Variants in ADARB2 observed in about 807,000 individuals in gnomAD.
ADARB2 encodes the protein inactive double-stranded RNA-specific editase B2.
In ADARB2, 25 loss-of-function variants were observed where a neutral mutation model predicts 62.2. That is an observed-to-expected ratio of 0.40 (90% CI 0.29 to 0.56). The LOEUF (loss-of-function observed/expected upper bound fraction) is 0.56. Ranked by LOEUF, ADARB2 falls within the 20% of genes least tolerant of loss-of-function variation. The pLI, the probability that ADARB2 is intolerant of heterozygous loss-of-function variation, is 0.43. For synonymous variants in ADARB2, 572 were observed against 500.8 expected, an observed-to-expected ratio of 1.14 and a Z score of -1.90; for missense variants, 1,071 against 1,077.4, an observed-to-expected ratio of 0.99 and a Z score of 0.08.
At chr10:1,483,378 C>G (rs550251441) in intron 1 of ADARB2, among the ~76,000 whole-genome samples, 4 of 152,168 alleles carry the variant, frequency 2.6e-5, no homozygotes, top group Non-Finnish European at 5.9e-5. Flanking sequence ...ACTGTTCTAA[C>G]GGTGTAAGAA....
intron 3 of ADARB2, among the ~76,000 whole-genome samples, chr10:1,352,779 G>T (rs1045802202): frequency 3.3e-5 from 5 of 151,982 alleles, no homozygotes; most frequent in Admixed American, 3.3e-4. Flanking sequence ...ATTGTTCCTG[G>T]CCTGGACTTC....
At chr10:1,545,207 C>T (rs554674657) in intron 1 of ADARB2, among the ~76,000 whole-genome samples, 8 of 152,264 alleles carry the variant, frequency 5.3e-5, no homozygotes, top group South Asian at 2.1e-4. Context: ...TGCTTCCTAA[C>T]GAGTATTGAT....
chr10:1,302,306 C>T (rs962050054), intron 3 of ADARB2, among the ~76,000 whole-genome samples: 5 of 152,212 alleles, frequency 3.3e-5, no homozygotes, highest in African/African-American at 1.2e-4. Flanking sequence ...CACCTGAATA[C>T]TGCGCTTTTC....
intron 1 of ADARB2, among the ~76,000 whole-genome samples, chr10:1,542,980 C>G (rs572884177): frequency 6.6e-6 from 1 of 152,266 alleles, no homozygotes; most frequent in Non-Finnish European, 1.5e-5. Context: ...CACAGCTGTC[C>G]GTCCGCCCGA....
intron 1 of ADARB2, among the ~76,000 whole-genome samples, chr10:1,387,917 T>A (rs1013788909): frequency 1.3e-5 from 2 of 152,102 alleles, no homozygotes; most frequent in Non-Finnish European, 2.9e-5. Flanking sequence ...TGGTTCATCC[T>A]GGAATGCAAG....
At chr10:1,460,646 G>A in intron 1 of ADARB2, among the ~76,000 whole-genome samples, 1 of 122,120 alleles carries the variant, frequency 8.2e-6, no homozygotes. Context: ...TGTGACCTGA[G>A]TTTACCTGTG....
intron 7 of ADARB2, among the ~76,000 whole-genome samples, chr10:1,204,992 G>A (rs1837033210): frequency 1.3e-5 from 2 of 152,218 alleles, no homozygotes; most frequent in Admixed American, 1.3e-4. Flanking sequence ...TTGAGCCTCT[G>A]CAGCTTGGGA....
chr10:1,235,032 C>G (rs967456143), intron 5 of ADARB2, among the ~76,000 whole-genome samples: 1 of 152,202 alleles, frequency 6.6e-6, no homozygotes, highest in Non-Finnish European at 1.5e-5. Flanking sequence ...CAGGCGAGAG[C>G]CACCACACTG....
At chr10:1,234,737 CTTTTTTTTTTT>C (rs71376899) in intron 5 of ADARB2, among the ~76,000 whole-genome samples, 30 of 53,636 alleles carry the variant, frequency 5.6e-4, no homozygotes, top group African/African-American at 1.6e-3. Context: ...CGACCATGAT[CTTTTTTTTTTT>C]TTTTTTTTTT....
intron 1 of ADARB2, among the ~76,000 whole-genome samples, chr10:1,571,911 G>A (rs1285676130): frequency 3.3e-5 from 5 of 150,686 alleles, no homozygotes; most frequent in African/African-American, 7.3e-5. Context: ...TGAGTGGAAA[G>A]GTGAGTAGGC....
chr10:1,562,651 G>T (rs1832800770), intron 1 of ADARB2, among the ~76,000 whole-genome samples: 1 of 152,236 alleles, frequency 6.6e-6, no homozygotes, highest in South Asian at 2.1e-4. Context: ...CCCCTGGTTG[G>T]AATACTTCCT....
chr10:1,192,937 C>A (rs1282351091), intron 8 of ADARB2, among the ~76,000 whole-genome samples: 1 of 152,162 alleles, frequency 6.6e-6, no homozygotes, highest in East Asian at 1.9e-4. Context: ...AGCGAGACTC[C>A]GTCTCAAAAG....
intron 1 of ADARB2, among the ~76,000 whole-genome samples, chr10:1,655,293 G>T (rs1834160066): frequency 6.6e-6 from 1 of 152,196 alleles, no homozygotes; most frequent in Non-Finnish European, 1.5e-5. Context: ...TGGAAAGCGG[G>T]TGCCCACTCA....
At chr10:1,357,786 G>T (rs1832210386) in intron 3 of ADARB2, among the ~76,000 whole-genome samples, 1 of 152,214 alleles carries the variant, frequency 6.6e-6, no homozygotes, top group African/African-American at 2.4e-5. Flanking sequence ...CAGCCAACAA[G>T]CATGGAGCGC....
intron 1 of ADARB2, among the ~76,000 whole-genome samples, chr10:1,488,098 C>T (rs1488678693): frequency 1.3e-5 from 2 of 152,094 alleles, no homozygotes; most frequent in Admixed American, 6.6e-5. Context: ...AGAATCCATT[C>T]CATTACTTTT....
chr10:1,243,761 G>C (rs1830950456), intron 4 of ADARB2, among the ~76,000 whole-genome samples: 1 of 152,218 alleles, frequency 6.6e-6, no homozygotes, highest in Non-Finnish European at 1.5e-5. Flanking sequence ...CTTCCTTCCA[G>C]GCAAAGCGGT....
At chr10:1,290,625 C>G (rs1247181127) in intron 3 of ADARB2, 1 of 152,188 alleles carries the variant, frequency 6.6e-6, no homozygotes, top group African/African-American at 2.4e-5. Flanking sequence ...TTCAAACAAG[C>G]CTGAGATGAG....
intron 1 of ADARB2, among the ~76,000 whole-genome samples, chr10:1,647,509 G>C (rs1430733973): frequency 1.3e-5 from 2 of 152,064 alleles, no homozygotes; most frequent in Non-Finnish European, 2.9e-5. Flanking sequence ...GTATATATAT[G>C]CCTGCATATA....
At chr10:1,373,245 G>C (rs1318827566) in intron 2 of ADARB2, among the ~76,000 whole-genome samples, 16 of 152,054 alleles carry the variant, frequency 1.1e-4, no homozygotes, top group Non-Finnish European at 1.5e-5. Flanking sequence ...GTCTCTCTCT[G>C]TCTCTGTGTC....
Sources: gnomAD v4.1 joint callset for allele counts (sites outside exome capture counted in the v4.1 genomes callset) on GRCh38, gnomAD v4.1.1 for gene constraint, MANE v1.5 for transcripts, NCBI Gene and HGNC (gene_info 2026-07-23, HGNC 2026-07-21) for gene names.